Variants in WASHC4 observed in about 807,000 individuals in gnomAD.
WASHC4 encodes the protein WASH complex subunit 7.
Under a neutral mutation model 166.6 loss-of-function variants are expected in WASHC4, and 86 were observed. That is an observed-to-expected ratio of 0.52 (90% CI 0.43 to 0.62). The LOEUF (loss-of-function observed/expected upper bound fraction) is 0.62. Among genes scored for constraint, WASHC4 ranks in the 20% least tolerant of loss-of-function variants. The probability of loss-of-function intolerance (pLI) is 0.00; values close to 1 mark genes in which losing one functional copy is unlikely to be tolerated. For synonymous variants in WASHC4, 446 were observed against 451.6 expected, an observed-to-expected ratio of 0.99 and a Z score of 0.16; for missense variants, 1,262 against 1,382.4, an observed-to-expected ratio of 0.91 and a Z score of 1.38.
intron 21 of WASHC4, 35 bp downstream of exon 21, chr12:105,144,490 C>A: frequency 8.3e-6 from 12 of 1,444,818 alleles, no homozygotes; most frequent in African/African-American, 1.5e-5. Flanking sequence ...GAGTCATATT[C>A]TCTTTTTTTT....
chr12:105,116,946 T>C (rs1023238086), intron 6 of WASHC4, among the ~76,000 whole-genome samples: 1 of 152,202 alleles, frequency 6.6e-6, no homozygotes, highest in African/African-American at 2.4e-5. Context: ...TGGCACTGCC[T>C]ATCTGCTGCT....
rs772680818 is a variant in WASHC4 at position 105,168,651 on chromosome 12, A to T, written c.*1720A>T. On this transcript the variant is annotated 3_prime_UTR_variant, in exon 33 of 33. Coordinates refer to ENST00000332180, the MANE Select transcript of WASHC4 (RefSeq NM_015275.3). ...TTTATCAATACTAGATAGAGTTCAC[A>T]TGCTGACTCCCTGGATACCTACAGT... 6.6e-6 allele frequency: 1 copy of T among 152,048 alleles called. No homozygotes were observed. Among genetic ancestry groups the T allele is most frequent in the African/African-American group, 2.4e-5 (1 of 41,428 alleles). 9.4% of individuals were successfully genotyped at this position (152,048 alleles called of 1,614,324 possible).
Position 105,140,404 on chromosome 12 carries a change from A to G in WASHC4, c.1560+3A>G. ...TTCATTCTATTTCTGTGGCCAAGGT[A>G]TGCAGCTTATTATGTATTTAGCATA... On this transcript the variant is annotated splice_donor_region_variant and intron_variant, in intron 16 of 32. Transcript: ENST00000332180. The G allele has an allele frequency of 6.3e-7, 1 of 1,576,452 alleles. No homozygotes were observed. The highest frequency in any genetic ancestry group is 1.1e-5 in the South Asian group (1 of 90,404).
rs776879411 is a variant in WASHC4, at chr12:105,143,130, A to G, written c.1897A>G (p.Met633Val). The change falls in exon 20 of 33, where the codon ATG becomes GTG. Residue 633 changes from methionine to valine, a missense_variant. Transcript: ENST00000332180. ...TACATTTTAATTTTCTTCTTAGTAC[A>G]TGTTCAGTGCTTTGCGCGACTGTGT... ...NAVDAARLHYMFSALRDCVPA... is the reference protein window; with the variant it reads ...NAVDAARLHYVFSALRDCVPA... The G allele has an allele frequency of 1.6e-5, 25 of 1,597,230 alleles. No individual in the cohort carries two copies. The highest frequency in any genetic ancestry group is 2.1e-5 in the Non-Finnish European group (24 of 1,165,280).
intron 15 of WASHC4, among the ~76,000 whole-genome samples, chr12:105,139,892 T>A (rs1322158435): frequency 6.6e-6 from 1 of 151,864 alleles, no homozygotes; most frequent in Non-Finnish European, 1.5e-5. Context: ...GTAAGTTTTT[T>A]TTTTTTTTTG....
chr12:105,128,692 C>G (rs1449888996), intron 13 of WASHC4, among the ~76,000 whole-genome samples: 1 of 152,060 alleles, frequency 6.6e-6, no homozygotes, highest in East Asian at 1.9e-4. Flanking sequence ...TGAAATACTT[C>G]TGGTCCCAAC....
At chr12:105,158,654 T>G (rs1011379202) in intron 28 of WASHC4, among the ~76,000 whole-genome samples, 1 of 152,192 alleles carries the variant, frequency 6.6e-6, no homozygotes. Flanking sequence ...GTAAAGGACA[T>G]TTGAGGAATA....
At chr12:105,149,188 G>T (rs1285303521) in intron 24 of WASHC4, 7 of 985,322 alleles carry the variant, frequency 7.1e-6, no homozygotes, top group Non-Finnish European at 8.4e-6. Context: ...CTTCAGGAAG[G>T]TTCAGAGAAC....
chr12:105,157,621 AAGG>A (rs951069177), intron 28 of WASHC4, among the ~76,000 whole-genome samples: 1 of 152,170 alleles, frequency 6.6e-6, no homozygotes, highest in African/African-American at 2.4e-5. Context: ...TTTAGTATAA[AAGG>A]AGGAATGCCA....
chr12:105,122,175 A>G lies in WASHC4; in HGVS notation c.723A>G (p.Leu241=), dbSNP rs1295183299. Residue 241 remains leucine, a synonymous_variant, in exon 10 of 33, where the codon TTA becomes TTG. Transcript: ENST00000332180. ...AATTTGGAATTCAGGAAGAAAAATT[A>G]AAGCCATTTGAAAAGTTCTTGCTGA... The part of the protein sequence containing the change: ...PSKFGIQEEK[L]KPFEKFLLKL... 1 of 1,611,002 alleles carries G rather than the reference A, an allele frequency of 6.2e-7. No individual in the cohort carries two copies. The highest frequency in any genetic ancestry group is 8.5e-7 in the Non-Finnish European group (1 of 1,177,708).
chr12:105,119,877 C>T (rs929400393), intron 7 of WASHC4, among the ~76,000 whole-genome samples: 3 of 152,094 alleles, frequency 2.0e-5, no homozygotes, highest in Non-Finnish European at 1.5e-5. Flanking sequence ...TAGTAGTATG[C>T]ACTGTTTTTC....
chr12:105,136,974 A>G (rs11112381), intron 14 of WASHC4, among the ~76,000 whole-genome samples: 19,954 of 152,114 alleles, frequency 0.13, 1,508 homozygotes, highest in African/African-American at 0.22. Context: ...GGACAGGAGC[A>G]AAAGTTTGAG....
intron 28 of WASHC4, among the ~76,000 whole-genome samples, chr12:105,158,841 A>G (rs1210412128): frequency 6.6e-6 from 1 of 152,262 alleles, no homozygotes; most frequent in Admixed American, 6.5e-5. Context: ...AGAAAAATAG[A>G]GAAAACAGTT....
At chr12:105,133,980 A>G (rs1165373648) in intron 14 of WASHC4, 84 bp downstream of exon 14, 32 of 1,311,622 alleles carry the variant, frequency 2.4e-5, no homozygotes, top group Non-Finnish European at 3.0e-5. Flanking sequence ...AACAAAGGGT[A>G]GAGTATGTTT....
In WASHC4 at chr12:105,152,464, A is replaced by C. The variant is rs779202768; in HGVS notation, c.2758+13A>C. 1.6e-5 allele frequency: 22 copies of C among 1,414,938 alleles called. No individual in the cohort carries two copies. Among genetic ancestry groups the C allele is most frequent in the Non-Finnish European group, 2.0e-5 (20 of 998,900 alleles). The allele number at this position is 1,414,938 out of a possible 1,614,324, so 87.6% of individuals were successfully genotyped here. ...ATCAGCCAGATTGGTAAGTTATGAT[A>C]AAAGTGTTGGGAAATCAGGTACAGA... On this transcript the variant is annotated intron_variant, in intron 26 of 32. Coordinates refer to ENST00000332180, the MANE Select transcript of WASHC4 (RefSeq NM_015275.3).
chr12:105,138,614 T>G (rs990340373), intron 15 of WASHC4, among the ~76,000 whole-genome samples: 3 of 152,162 alleles, frequency 2.0e-5, no homozygotes, highest in African/African-American at 7.2e-5. Flanking sequence ...CCAGTTAACC[T>G]TTTGTAAAAA....
intron 7 of WASHC4, among the ~76,000 whole-genome samples, chr12:105,119,144 G>A (rs1325462097): frequency 6.6e-6 from 1 of 152,104 alleles, no homozygotes; most frequent in East Asian, 1.9e-4. Flanking sequence ...AAAGATTGAG[G>A]TTACCAGAAT....
At chr12:105,161,451 A>G (rs1005877747) in intron 29 of WASHC4, among the ~76,000 whole-genome samples, 5 of 152,114 alleles carry the variant, frequency 3.3e-5, no homozygotes, top group Non-Finnish European at 7.4e-5. Context: ...TTCTCACCAT[A>G]TTTTTTTAAT....
rs1364170367 is a variant in WASHC4 at position 105,122,180 on chromosome 12, C to T, written c.728C>T (p.Pro243Leu). ...GGAATTCAGGAAGAAAAATTAAAGC[C>T]ATTTGAAAAGTTCTTGCTGAAGCTA... ...KFGIQEEKLK[P>L]FEKFLLKLEG... is the part of the protein sequence containing the mutation. The change falls in exon 10 of 33, where the codon CCA becomes CTA. Residue 243 changes from proline (P) to leucine (L), a missense_variant. Coordinates refer to ENST00000332180, the MANE Select transcript of WASHC4 (RefSeq NM_015275.3). 4 of 1,611,350 alleles carry T rather than the reference C, an allele frequency of 2.5e-6. No individual in the cohort carries two copies. The highest frequency in any genetic ancestry group is 3.4e-6 in the Non-Finnish European group (4 of 1,178,192).
Sources: gnomAD v4.1 joint callset for allele counts (sites outside exome capture counted in the v4.1 genomes callset) on GRCh38, gnomAD v4.1.1 for gene constraint, MANE v1.5 for transcripts, NCBI Gene and HGNC (gene_info 2026-07-23, HGNC 2026-07-21) for gene names.